OPCML: variants seen among roughly 807,000 people sequenced by gnomAD.
The protein encoded by OPCML is opioid-binding protein/cell adhesion molecule.
OPCML carries 13 observed loss-of-function variants against 37.8 expected under a neutral mutation model. The observed-to-expected ratio is 0.34, with a 90% CI of 0.22 to 0.55. The LOEUF (loss-of-function observed/expected upper bound fraction) is 0.55, where lower values mean the gene tolerates loss of function less well. Among genes scored for constraint, OPCML ranks in the 20% least tolerant of loss-of-function variants. OPCML has a pLI of 0.91. For synonymous variants in OPCML, 176 were observed against 168.8 expected, an observed-to-expected ratio of 1.04 and a Z score of -0.33; for missense variants, 341 against 435.6, an observed-to-expected ratio of 0.78 and a Z score of 1.93.
intron 4 of OPCML, among the ~76,000 whole-genome samples, chr11:132,511,575 A>C (rs1340387052): frequency 1.3e-5 from 2 of 152,240 alleles, no homozygotes; most frequent in Middle Eastern, 3.4e-3. Flanking sequence ...ATAGATGAAT[A>C]GAAAATAAGA....
chr11:133,492,578 G>A lies in OPCML; in HGVS notation c.61+39686C>T, dbSNP rs1437139238. On this transcript the variant is annotated intron_variant, in intron 1 of 7. Transcript: ENST00000524381. Reference sequence around the variant, plus strand: ...ATGAATGGAGAGATAAGTCATTAGAGACTAAAACACGTCCCAGGGTTGCAG... The same window carrying A: ...ATGAATGGAGAGATAAGTCATTAGAAACTAAAACACGTCCCAGGGTTGCAG... Among the ~76,000 whole-genome samples the A allele has an allele frequency of 5.3e-5, 8 of 151,962 alleles. No individual in the cohort carries two copies. In the East Asian group the frequency reaches 1.4e-3, roughly 26 times the overall value.
At chr11:132,868,949 C>A (rs146606028) in intron 2 of OPCML, among the ~76,000 whole-genome samples, 191 of 152,246 alleles carry the variant, frequency 1.3e-3, no homozygotes, top group Middle Eastern at 6.8e-3. Context: ...TTGGGTGCTG[C>A]CCAGAGGATG....
chr11:132,470,604 A>G (rs1044876992), intron 4 of OPCML, among the ~76,000 whole-genome samples: 76 of 152,200 alleles, frequency 5.0e-4, no homozygotes, highest in African/African-American at 1.8e-3. Flanking sequence ...AGCAATAGTA[A>G]AAGCAGTAAT....
intron 1 of OPCML, among the ~76,000 whole-genome samples, chr11:132,993,281 TACTC>T (rs906088261): frequency 6.6e-6 from 1 of 152,188 alleles, no homozygotes; most frequent in African/African-American, 2.4e-5. Flanking sequence ...AATCCTGTGT[TACTC>T]ACACACAGTA....
chr11:132,561,726 C>T (rs1052553897), intron 3 of OPCML, among the ~76,000 whole-genome samples: 2 of 152,188 alleles, frequency 1.3e-5, no homozygotes, highest in African/African-American at 4.8e-5. Flanking sequence ...GAATGATGAG[C>T]TTACTTAGAA....
intron 7 of OPCML, among the ~76,000 whole-genome samples, chr11:132,424,158 C>T (rs562801682): frequency 3.0e-4 from 45 of 151,310 alleles, no homozygotes; most frequent in African/African-American, 1.0e-3. Context: ...CTCGCTCTGT[C>T]GCCCAGGCTG....
chr11:133,294,857 T>G (rs1347626791), intron 1 of OPCML, among the ~76,000 whole-genome samples: 1 of 149,906 alleles, frequency 6.7e-6, no homozygotes, highest in East Asian at 2.0e-4. Flanking sequence ...GAGTTTTGCT[T>G]TTGTCACCCA....
chr11:132,495,993 G>A (rs1443135163), intron 4 of OPCML, among the ~76,000 whole-genome samples: 1 of 152,084 alleles, frequency 6.6e-6, no homozygotes, highest in Non-Finnish European at 1.5e-5. Context: ...TACGACAGGT[G>A]CTAGAAGTAG....
At chr11:132,686,434 T>C (rs1274740369) in intron 2 of OPCML, among the ~76,000 whole-genome samples, 1 of 152,224 alleles carries the variant, frequency 6.6e-6, no homozygotes, top group Non-Finnish European at 1.5e-5. Flanking sequence ...AAACTGACTG[T>C]ATATTAACTT....
chr11:132,598,485 T>C (rs2096496085), intron 3 of OPCML, among the ~76,000 whole-genome samples: 1 of 152,142 alleles, frequency 6.6e-6, no homozygotes, highest in African/African-American at 2.4e-5. Context: ...ATGCAACTAA[T>C]AGTCACCATG....
In OPCML at chr11:132,477,567, G is replaced by A. The variant is rs577398960; in HGVS notation, c.506-40208C>T. Among the ~76,000 whole-genome samples, 20 of 152,332 alleles carry A rather than the reference G, an allele frequency of 1.3e-4. No individual in the cohort carries two copies. The East Asian group carries it at 3.9e-3, about 29-fold the overall frequency. On this transcript the variant is annotated intron_variant, in intron 4 of 7. Transcript: ENST00000524381. The stretch of plus-strand genomic sequence containing the variant: ...AACAGTCAAGATATGGCTAAGAGAA[G>A]AGGGCAAAGCTGTCCCTGTTTTTAA...
At chr11:133,252,599 G>A (rs1941171731) in intron 1 of OPCML, among the ~76,000 whole-genome samples, 1 of 152,028 alleles carries the variant, frequency 6.6e-6, no homozygotes, top group African/African-American at 2.4e-5. Flanking sequence ...TTTCAATTCT[G>A]GCTATTTTCT....
At chr11:133,046,756 A>C (rs888424186) in intron 1 of OPCML, among the ~76,000 whole-genome samples, 1 of 152,164 alleles carries the variant, frequency 6.6e-6, no homozygotes, top group Non-Finnish European at 1.5e-5. Context: ...TTAATGCCAC[A>C]AAAGGAAATT....
chr11:133,266,297 C>T (rs1941657054), intron 1 of OPCML, among the ~76,000 whole-genome samples: 1 of 152,116 alleles, frequency 6.6e-6, no homozygotes, highest in South Asian at 2.1e-4. Flanking sequence ...CCCCATTCTC[C>T]TGCTCATTTT....
intron 1 of OPCML, among the ~76,000 whole-genome samples, chr11:133,510,656 C>A (rs1840324788): frequency 6.6e-6 from 1 of 152,176 alleles, no homozygotes. Flanking sequence ...TTTGTGCCAA[C>A]ATAAAGCCTG....
intron 2 of OPCML, among the ~76,000 whole-genome samples, chr11:132,770,891 T>C (rs1409344400): frequency 6.6e-6 from 1 of 152,156 alleles, no homozygotes; most frequent in Non-Finnish European, 1.5e-5. Context: ...TTGATTTGTA[T>C]TTCCCGGGGT....
chr11:133,015,415 G>A (rs879272799), intron 1 of OPCML, among the ~76,000 whole-genome samples: 9 of 109,468 alleles, frequency 8.2e-5, no homozygotes, highest in Admixed American at 7.4e-4. Context: ...AAGGAAGGAA[G>A]GAAGGAAGGA....
intron 4 of OPCML, among the ~76,000 whole-genome samples, chr11:132,440,018 G>C (rs757815721): frequency 1.3e-4 from 20 of 152,166 alleles, no homozygotes; most frequent in Non-Finnish European, 2.1e-4. Flanking sequence ...TGACCTACAC[G>C]TAGGGAGGGG....
At chr11:132,882,129 G>A (rs1943245477) in intron 2 of OPCML, among the ~76,000 whole-genome samples, 1 of 152,122 alleles carries the variant, frequency 6.6e-6, no homozygotes, top group Admixed American at 6.6e-5. Flanking sequence ...AGAGGAGGGG[G>A]AGGGTAAGAA....
Sources: allele counts gnomAD v4.1 joint callset (sites outside exome capture counted in the v4.1 genomes callset), GRCh38; gene constraint gnomAD v4.1.1; transcripts MANE v1.5; gene names NCBI Gene and HGNC (gene_info 2026-07-23, HGNC 2026-07-21).